The following LGR5 variants were observed in gnomAD, a reference collection of about 807,000 sequenced individuals.
LGR5 encodes the protein leucine rich repeat containing G protein-coupled receptor 5.
A neutral mutation model predicts 76.7 loss-of-function variants in LGR5; 54 were observed. That is an observed-to-expected ratio of 0.70 (90% CI 0.57 to 0.88). The LOEUF (loss-of-function observed/expected upper bound fraction) is 0.88. Ranked by LOEUF, LGR5 falls within the 40% of genes least tolerant of loss-of-function variation. The pLI, the probability that LGR5 is intolerant of heterozygous loss-of-function variation, is 0.00. For missense variants in LGR5, 1,078 were observed against 1,073.3 expected, an observed-to-expected ratio of 1.00 and a Z score of -0.06; for synonymous variants, 406 against 421.9, an observed-to-expected ratio of 0.96 and a Z score of 0.46.
intron 7 of LGR5, among the ~76,000 whole-genome samples, chr12:71,559,937 C>T (rs896897980): frequency 6.6e-6 from 1 of 152,090 alleles, no homozygotes; most frequent in African/African-American, 2.4e-5. Flanking sequence ...TACTCTCCCA[C>T]CATTTATGTA....
chr12:71,508,752 C>CAA (rs35401076), intron 2 of LGR5, among the ~76,000 whole-genome samples: 722 of 27,586 alleles, frequency 0.026, 37 homozygotes, highest in African/African-American at 0.039. Context: ...GACTCAGTCT[C>CAA]AAAAAAAAAA....
At chr12:71,529,810 G>A (rs186402101) in intron 3 of LGR5, among the ~76,000 whole-genome samples, 1 of 151,940 alleles carries the variant, frequency 6.6e-6, no homozygotes, top group Admixed American at 6.6e-5. Context: ...ACAAAAATTA[G>A]CTAGGTGTCA....
chr12:71,479,835 G>A (rs1289105476), intron 1 of LGR5, among the ~76,000 whole-genome samples: 1 of 152,002 alleles, frequency 6.6e-6, no homozygotes, highest in Admixed American at 6.6e-5. Flanking sequence ...AGGGATGGAG[G>A]GACCAGTGGC....
chr12:71,575,528 G>A (rs1332716416), intron 13 of LGR5, among the ~76,000 whole-genome samples: 1 of 152,088 alleles, frequency 6.6e-6, no homozygotes, highest in Non-Finnish European at 1.5e-5. Flanking sequence ...GGCCAACATG[G>A]TGAAACCCTG....
rs1879221516 is a variant in LGR5, at chr12:71,584,229, T to C, written c.2219T>C (p.Met740Thr). 1 of 1,614,162 alleles carries C rather than the reference T, an allele frequency of 6.2e-7. No homozygotes were observed. Among genetic ancestry groups the C allele is most frequent in the Non-Finnish European group, 8.5e-7 (1 of 1,180,024 alleles). The change falls in exon 18 of 18, where the codon ATG (methionine) becomes ACG (threonine). Residue 740 changes from methionine (M) to threonine (T), a missense_variant. Coordinates refer to ENST00000266674, the MANE Select transcript of LGR5 (RefSeq NM_003667.4). Reference protein sequence around the residue: ...ILLNSLCFLMMTIAYTKLYCN... With the variant: ...ILLNSLCFLMTTIAYTKLYCN... ...CTCAATTCCCTTTGCTTCCTCATGA[T>C]GACCATTGCCTACACCAAGCTCTAC...
Position 71,498,808 on chromosome 12 carries a change from G to T in LGR5, c.213-5806G>T, listed in dbSNP as rs1387767781. ...GAAGGTATGGGTATGGTAAGCAGGG[G>T]ACAAAGGAGAACATCCTTGGTGGTC... On this transcript the variant is annotated intron_variant, in intron 1 of 17. Coordinates refer to ENST00000266674, the MANE Select transcript of LGR5 (RefSeq NM_003667.4). Among the ~76,000 whole-genome samples, 4 of 152,218 alleles carry T rather than the reference G, an allele frequency of 2.6e-5. No homozygotes were observed. The East Asian group carries it at 7.7e-4, about 29-fold the overall frequency.
At chr12:71,477,032 A>G (rs1873367594) in intron 1 of LGR5, among the ~76,000 whole-genome samples, 1 of 152,196 alleles carries the variant, frequency 6.6e-6, no homozygotes, top group South Asian at 2.1e-4. Context: ...AGGTACATTA[A>G]CAAATTTGTG....
chr12:71,481,920 A>G (rs549142809), intron 1 of LGR5, among the ~76,000 whole-genome samples: 89 of 152,298 alleles, frequency 5.8e-4, no homozygotes, highest in Non-Finnish European at 9.3e-4. Context: ...ACTCAATGAC[A>G]CAACACCAGA....
rs759916628 is a variant in LGR5 at position 71,451,497 on chromosome 12, C to A, written c.212+11205C>A. On this transcript the variant is annotated intron_variant, in intron 1 of 17. Coordinates refer to ENST00000266674, the MANE Select transcript of LGR5 (RefSeq NM_003667.4). ...ATGTGTTGCCATCTGCTGGGATTGC[C>A]TTTCTTCTTTTGCTAACCTCTATGA... Among the ~76,000 whole-genome samples, 50 of 152,130 alleles carry A rather than the reference C, an allele frequency of 3.3e-4. 1 individual carries two copies. The highest frequency in any genetic ancestry group is 8.8e-5 in the Non-Finnish European group (6 of 68,022).
intron 1 of LGR5, among the ~76,000 whole-genome samples, chr12:71,496,978 A>T (rs1030395505): frequency 1.3e-5 from 2 of 152,072 alleles, no homozygotes; most frequent in African/African-American, 4.8e-5. Context: ...TCAATATTCT[A>T]TTTCTTGATT....
chr12:71,580,454 T>C (rs373100629), intron 16 of LGR5, 31 bp downstream of exon 16: 180 of 1,602,050 alleles, frequency 1.1e-4, no homozygotes, highest in Middle Eastern at 5.0e-4. Context: ...GTAATGAAAT[T>C]GTGTTGTGTT....
chr12:71,486,284 T>C (rs1422693613), intron 1 of LGR5, among the ~76,000 whole-genome samples: 2 of 152,190 alleles, frequency 1.3e-5, no homozygotes, highest in Non-Finnish European at 2.9e-5. Flanking sequence ...ATTAGAGTCA[T>C]ATCGCTGCCA....
chr12:71,440,389 G>T lies in LGR5; in HGVS notation c.212+97G>T. On this transcript the variant is annotated intron_variant, in intron 1 of 17. Coordinates refer to ENST00000266674, the MANE Select transcript of LGR5 (RefSeq NM_003667.4). This position sits in a 1 kb window ranked among gnomAD's most constrained non-coding sequence, Gnocchi z 5.3. ...GAGGCTCCTCGGCGCCCGCCTGCTCGTGGGGGAGGGGGGCGAGTTTGTCAA... is the reference window on the plus strand; with the variant it reads ...GAGGCTCCTCGGCGCCCGCCTGCTCTTGGGGGAGGGGGGCGAGTTTGTCAA... 2 of 1,196,266 alleles carry T rather than the reference G, an allele frequency of 1.7e-6. No individual in the cohort carries two copies. The highest frequency in any genetic ancestry group is 1.3e-5 in the South Asian group (1 of 79,150). The allele number at this position is 1,196,266 out of a possible 1,614,324, so 74.1% of individuals were successfully genotyped here. A position where few individuals can be genotyped will look rare whatever the true frequency, so the allele number is the denominator to read the frequency against.
Position 71,584,582 on chromosome 12 carries a change from G to A in LGR5, c.2572G>A (p.Glu858Lys), listed in dbSNP as rs763341471. Residue 858 changes from glutamate (E) to lysine (K), a missense_variant, in exon 18 of 18, where the codon GAA becomes AAA. Glu to Lys is a moderately conservative substitution (Grantham distance 56, BLOSUM62 1). Transcript: ENST00000266674. ...GATGTCAATTAACTCTGATGATGTC[G>A]AAAAACAGTCCTGTGACTCAACTCA... ...SLMSINSDDV[E>K]KQSCDSTQAL... 29 of 1,613,882 alleles carry A rather than the reference G, an allele frequency of 1.8e-5. No homozygotes were observed. The highest frequency in any genetic ancestry group is 5.3e-5 in the African/African-American group (4 of 74,852).
rs145231023 is a variant in LGR5 at position 71,570,672 on chromosome 12, C to A, written c.1071-842C>A. Among the ~76,000 whole-genome samples, 217 of 152,062 alleles carry A rather than the reference C, an allele frequency of 1.4e-3. 1 individual carries two copies. The highest frequency in any genetic ancestry group is 6.8e-3 in the Middle Eastern group (2 of 294). On this transcript the variant is annotated intron_variant, in intron 11 of 17. Transcript: ENST00000266674. ...AGCAGCTTCATTTGTACTATTTATGCGGAGTAAATGGACTTTATTCCTTTA... is the reference window on the plus strand; with the variant it reads ...AGCAGCTTCATTTGTACTATTTATGAGGAGTAAATGGACTTTATTCCTTTA...
intron 1 of LGR5, among the ~76,000 whole-genome samples, chr12:71,501,667 T>C (rs1209739264): frequency 6.6e-6 from 1 of 152,256 alleles, no homozygotes; most frequent in Non-Finnish European, 1.5e-5. Flanking sequence ...GAAACTTTTG[T>C]AGTCATTTAA....
At chr12:71,518,875 A>G (rs937192559) in intron 2 of LGR5, among the ~76,000 whole-genome samples, 1 of 152,162 alleles carries the variant, frequency 6.6e-6, no homozygotes, top group East Asian at 1.9e-4. Flanking sequence ...AAAAATAACT[A>G]ATGGGTACTA....
chr12:71,531,816 C>T (rs1424412000), intron 3 of LGR5, among the ~76,000 whole-genome samples: 1 of 152,048 alleles, frequency 6.6e-6, no homozygotes, highest in East Asian at 1.9e-4. Context: ...TGCAGTGAGC[C>T]GAGATCGCAC....
intron 13 of LGR5, 161 bp downstream of exon 13, chr12:71,573,082 A>C: frequency 1.8e-6 from 1 of 544,314 alleles, no homozygotes; most frequent in Non-Finnish European, 3.2e-6. Context: ...AATTTCCAGG[A>C]ATAAATCTAA....
Sources: gnomAD v4.1 joint callset for allele counts (sites outside exome capture counted in the v4.1 genomes callset) on GRCh38, gnomAD v4.1.1 for gene constraint, Gnocchi (gnomAD v3.1) non-coding constraint, MANE v1.5 for transcripts, NCBI Gene and HGNC (gene_info 2026-07-23, HGNC 2026-07-21) for gene names.